The following NDUFA5 variants were observed in gnomAD, a reference collection of about 807,000 sequenced individuals.
NDUFA5 encodes NADH dehydrogenase [ubiquinone] 1 alpha subcomplex subunit 5.
A neutral mutation model predicts 19.8 loss-of-function variants in NDUFA5; 11 were observed. The observed-to-expected ratio is 0.56, with a 90% CI of 0.35 to 0.92. NDUFA5 has a LOEUF of 0.92. NDUFA5 is among the 40% of genes least tolerant of loss of function. The pLI, the probability that NDUFA5 is intolerant of heterozygous loss-of-function variation, is 0.01. For synonymous variants in NDUFA5, 47 were observed against 46.8 expected (o/e 1.00, Z -0.01); for missense variants, 109 against 134.2 (o/e 0.81, Z 0.93).
At chr7:123,579,372 ATAAC>A in the NDUFA5 span, among the ~76,000 whole-genome samples, 6 of 152,138 alleles carry the variant, frequency 3.9e-5, no homozygotes. Flanking sequence ...TTTTCAGTGA[ATAAC>A]TATTGTTAAA....
At chr7:123,550,615 T>C (rs1469072401) in intron 2 of NDUFA5, 29 bp from the exon 3 acceptor site, 7 of 1,322,602 alleles carry the variant, frequency 5.3e-6, no homozygotes, top group Non-Finnish European at 7.5e-6. Context: ...CAAATTTCCA[T>C]AGGTTAAAAT....
chr7:123,567,863 G>A, the NDUFA5 span, among the ~76,000 whole-genome samples: 3 of 151,896 alleles, frequency 2.0e-5, no homozygotes, highest in South Asian at 4.2e-4. Flanking sequence ...TAAAATAGAC[G>A]AAAATATTCA....
the NDUFA5 span, among the ~76,000 whole-genome samples, chr7:123,587,748 A>C: frequency 1.3e-5 from 2 of 151,774 alleles, no homozygotes; most frequent in Admixed American, 1.3e-4. Context: ...AATATCAAAA[A>C]AGATGTTGAT....
At chr7:123,583,346 G>C in the NDUFA5 span, among the ~76,000 whole-genome samples, 1 of 151,948 alleles carries the variant, frequency 6.6e-6, no homozygotes, top group Non-Finnish European at 1.5e-5. Flanking sequence ...GATATCATGG[G>C]AAGTGGGAAC....
intron 2 of NDUFA5, chr7:123,556,719 AGTGTCAAAT>A (rs1275217393): frequency 2.5e-6 from 1 of 392,818 alleles, no homozygotes; most frequent in Non-Finnish European, 4.8e-6. Context: ...TGATGGAAAA[AGTGTCAAAT>A]GTGTCAAAAA....
chr7:123,556,795 G>T, intron 2 of NDUFA5: 1 of 487,910 alleles, frequency 2.0e-6, no homozygotes, highest in Non-Finnish European at 4.0e-6. Context: ...GGATTTGGCA[G>T]CATGGAGATA....
chr7:123,553,400 T>C (rs1798428607), intron 2 of NDUFA5, among the ~76,000 whole-genome samples: 1 of 152,110 alleles, frequency 6.6e-6, no homozygotes, highest in Non-Finnish European at 1.5e-5. Flanking sequence ...TTCTTCACTA[T>C]CACAAGAACA....
At chr7:123,587,749 A>C in the NDUFA5 span, among the ~76,000 whole-genome samples, 1 of 151,900 alleles carries the variant, frequency 6.6e-6, no homozygotes, top group Admixed American at 6.6e-5. Flanking sequence ...ATATCAAAAA[A>C]GATGTTGATA....
At chr7:123,566,654 G>T in the NDUFA5 span, among the ~76,000 whole-genome samples, 1 of 152,014 alleles carries the variant, frequency 6.6e-6, no homozygotes, top group Non-Finnish European at 1.5e-5. Context: ...ATGTACTAAT[G>T]ACATTTTAAA....
intron 2 of NDUFA5, among the ~76,000 whole-genome samples, chr7:123,552,166 C>CT (rs1168091693): frequency 6.7e-6 from 1 of 148,384 alleles, no homozygotes; most frequent in African/African-American, 2.5e-5. Context: ...AAAGAGCAAC[C>CT]TTTTTTTTCA....
At chr7:123,575,459 C>T in the NDUFA5 span, among the ~76,000 whole-genome samples, 1 of 152,050 alleles carries the variant, frequency 6.6e-6, no homozygotes, top group Non-Finnish European at 1.5e-5. Context: ...AAATCATACA[C>T]AATTAAAGAA....
the NDUFA5 span, among the ~76,000 whole-genome samples, chr7:123,581,823 A>G: frequency 6.6e-6 from 1 of 151,946 alleles, no homozygotes; most frequent in Non-Finnish European, 1.5e-5. Context: ...CACTCCCAAG[A>G]CTGTCAAGTT....
the NDUFA5 span, among the ~76,000 whole-genome samples, chr7:123,580,076 A>C: frequency 4.6e-4 from 70 of 152,126 alleles, no homozygotes; most frequent in African/African-American, 1.5e-3. Context: ...TGGCGGGATT[A>C]GAAAAATTCA....
chr7:123,578,640 G>A, the NDUFA5 span, among the ~76,000 whole-genome samples: 1 of 151,918 alleles, frequency 6.6e-6, no homozygotes, highest in Non-Finnish European at 1.5e-5. Flanking sequence ...TAATATCTGA[G>A]CTAATGAGAG....
At chr7:123,559,764 G>A (rs574142455), upstream of NDUFA5, among the ~76,000 whole-genome samples, 1 of 150,570 alleles carries the variant, frequency 6.6e-6, no homozygotes, top group Admixed American at 6.6e-5. Flanking sequence ...GCTGAGACAG[G>A]AGAATCACTC....
At chr7:123,553,036 C>T (rs530003406) in intron 2 of NDUFA5, among the ~76,000 whole-genome samples, 3 of 152,296 alleles carry the variant, frequency 2.0e-5, no homozygotes, top group South Asian at 2.1e-4. Context: ...TTTACCACCA[C>T]GCAACACCAG....
chr7:123,584,672 A>G, the NDUFA5 span, among the ~76,000 whole-genome samples: 1 of 152,036 alleles, frequency 6.6e-6, no homozygotes, highest in Non-Finnish European at 1.5e-5. Context: ...AGCTGAATAA[A>G]AATAAATATA....
chr7:123,561,479 G>A (rs992296432), upstream of NDUFA5, among the ~76,000 whole-genome samples: 7 of 152,108 alleles, frequency 4.6e-5, no homozygotes, highest in Admixed American at 3.9e-4. Context: ...TTCTCTTGCT[G>A]TTTTCCTCAC....
chr7:123,542,450 T>C lies in NDUFA5; in HGVS notation c.250-230A>G, dbSNP rs1444101676. Among the ~76,000 whole-genome samples the C allele has an allele frequency of 2.0e-5, 3 of 152,316 alleles. No individual in the cohort carries two copies. In the South Asian group the frequency reaches 6.2e-4, roughly 32 times the overall value. ...TCTTCTATTTGATTGAAATAGGCTATAGTGTTTAAAAGTTTAGCTGGTGAG... is the reference window on the plus strand; with the variant it reads ...TCTTCTATTTGATTGAAATAGGCTACAGTGTTTAAAAGTTTAGCTGGTGAG... On this transcript the variant is annotated intron_variant, in intron 4 of 4. Transcript: ENST00000355749.
Sources: allele counts gnomAD v4.1 joint callset (sites outside exome capture counted in the v4.1 genomes callset), GRCh38; gene constraint gnomAD v4.1.1; transcripts MANE v1.5; gene names NCBI Gene and HGNC (gene_info 2026-07-23, HGNC 2026-07-21).